CLPB: variants seen among roughly 807,000 people sequenced by gnomAD.
The protein encoded by CLPB is mitochondrial disaggregase.
In CLPB, 40 loss-of-function variants were observed where a neutral mutation model predicts 78.4. The ratio of observed to expected loss-of-function variants is 0.51; its 90% confidence interval spans 0.40 to 0.66. The LOEUF (loss-of-function observed/expected upper bound fraction) is 0.66, where lower values mean the gene tolerates loss of function less well. Ranked by LOEUF, CLPB falls within the 30% of genes least tolerant of loss-of-function variation. The probability of loss-of-function intolerance (pLI) is 0.00; values close to 1 mark genes in which losing one functional copy is unlikely to be tolerated. For missense variants in CLPB, 780 were observed against 886.9 expected, an observed-to-expected ratio of 0.88 and a Z score of 1.53; for synonymous variants, 333 against 348.0, an observed-to-expected ratio of 0.96 and a Z score of 0.48.
chr11:72,393,769 C>T (rs1855322294), intron 3 of CLPB, among the ~76,000 whole-genome samples: 1 of 152,150 alleles, frequency 6.6e-6, no homozygotes, highest in Non-Finnish European at 1.5e-5. Flanking sequence ...TTTAGTATTG[C>T]TAAGTTTTGC....
intron 3 of CLPB, among the ~76,000 whole-genome samples, chr11:72,400,476 C>T (rs1855529539): frequency 6.6e-6 from 1 of 152,138 alleles, no homozygotes; most frequent in Non-Finnish European, 1.5e-5. Flanking sequence ...GAGATGTGTC[C>T]CCAAAAGCAT....
intron 2 of CLPB, among the ~76,000 whole-genome samples, chr11:72,427,913 A>G (rs1856434253): frequency 6.6e-6 from 1 of 152,216 alleles, no homozygotes; most frequent in South Asian, 2.1e-4. Context: ...TTGAAGAAGA[A>G]ATAAAGAGCA....
At chr11:72,351,835 T>C (rs940262049) in intron 5 of CLPB, among the ~76,000 whole-genome samples, 1 of 152,174 alleles carries the variant, frequency 6.6e-6, no homozygotes, top group Non-Finnish European at 1.5e-5. Flanking sequence ...CCTCCCAAAG[T>C]GCTGGGATTA....
At chr11:72,374,949 T>A (rs1007148357) in intron 4 of CLPB, among the ~76,000 whole-genome samples, 1 of 152,190 alleles carries the variant, frequency 6.6e-6, no homozygotes, top group African/African-American at 2.4e-5. Context: ...AACTACTCCT[T>A]TGAGCTCTCC....
intron 4 of CLPB, among the ~76,000 whole-genome samples, chr11:72,371,016 T>C (rs1951031530): frequency 6.6e-6 from 1 of 152,164 alleles, no homozygotes; most frequent in South Asian, 2.1e-4. Flanking sequence ...CACCCTAACA[T>C]GTTCGTCTAT....
chr11:72,295,425 A>G, intron 12 of CLPB, 67 bp downstream of exon 12: 3 of 1,569,928 alleles, frequency 1.9e-6, no homozygotes, highest in Non-Finnish European at 2.6e-6. Flanking sequence ...CCCCAATCCC[A>G]TCCTTCCCCA....
At chr11:72,368,244 C>T (rs1950979875) in intron 4 of CLPB, among the ~76,000 whole-genome samples, 1 of 152,204 alleles carries the variant, frequency 6.6e-6, no homozygotes, top group Non-Finnish European at 1.5e-5. Context: ...AAATATACAA[C>T]AGAACAGTAA....
intron 5 of CLPB, among the ~76,000 whole-genome samples, chr11:72,349,833 G>A (rs1025731188): frequency 2.0e-5 from 3 of 152,250 alleles, no homozygotes; most frequent in African/African-American, 7.2e-5. Flanking sequence ...TGCAGGTGGA[G>A]GAGAGTGTAG....
intron 11 of CLPB, among the ~76,000 whole-genome samples, chr11:72,298,975 A>T (rs1949607017): frequency 6.6e-6 from 1 of 152,238 alleles, no homozygotes; most frequent in Admixed American, 6.5e-5. Flanking sequence ...TGCTATTTTC[A>T]GTCAGACCTT....
chr11:72,400,917 T>C (rs780179907), intron 3 of CLPB, among the ~76,000 whole-genome samples: 2 of 152,186 alleles, frequency 1.3e-5, no homozygotes, highest in Non-Finnish European at 2.9e-5. Flanking sequence ...TCTCCTTACC[T>C]GCATTTGTTT....
intron 6 of CLPB, among the ~76,000 whole-genome samples, chr11:72,321,580 C>A (rs533853100): frequency 6.6e-6 from 1 of 152,216 alleles, no homozygotes; most frequent in Middle Eastern, 3.4e-3. Context: ...AGTGGCTCTG[C>A]GGGGGAGGGT....
At chr11:72,342,108 A>G (rs1040680433) in intron 5 of CLPB, among the ~76,000 whole-genome samples, 1 of 152,228 alleles carries the variant, frequency 6.6e-6, no homozygotes, top group African/African-American at 2.4e-5. Context: ...CAACCATACT[A>G]TTCATCAAAG....
chr11:72,362,198 A>G (rs981958641), intron 4 of CLPB, among the ~76,000 whole-genome samples: 1 of 152,250 alleles, frequency 6.6e-6, no homozygotes, highest in Non-Finnish European at 1.5e-5. Flanking sequence ...GCCTCTGATT[A>G]GAAGTCACTT....
Position 72,286,231 on chromosome 11 carries a change from T to TC in CLPB, c.*7135_*7136insG. On this transcript the variant is annotated 3_prime_UTR_variant, in exon 16 of 16. Coordinates refer to ENST00000538039, the MANE Select transcript of CLPB (RefSeq NM_001258392.3). ...TGTGAGATACTGCACCTGTTTTTTT[T>TC]TTTTTTTTTTTTTTTAAGAGATAGG... The TC allele has an allele frequency of 7.5e-6, 1 of 134,202 alleles. No homozygotes were observed. The highest frequency in any genetic ancestry group is 2.1e-4 in the East Asian group (1 of 4,740). The allele number at this position is 134,202 out of a possible 1,614,324, so 8.3% of individuals were successfully genotyped here. A position where few individuals can be genotyped will look rare whatever the true frequency, so the allele number is the denominator to read the frequency against.
intron 6 of CLPB, among the ~76,000 whole-genome samples, chr11:72,326,082 A>G (rs1950128858): frequency 6.6e-6 from 1 of 152,226 alleles, no homozygotes; most frequent in Non-Finnish European, 1.5e-5. Context: ...CATCTGAAAC[A>G]GGGGTAACAA....
intron 5 of CLPB, 108 bp from the exon 6 acceptor site, chr11:72,329,912 G>A: frequency 1.3e-6 from 1 of 765,608 alleles, no homozygotes; most frequent in Non-Finnish European, 2.2e-6. Flanking sequence ...GAATGTCCAT[G>A]GACACCTACA....
rs139557831 is a variant in CLPB, at chr11:72,383,142, G to A, written c.543-2758C>T. Among the ~76,000 whole-genome samples, 777 of 151,560 alleles carry A rather than the reference G, an allele frequency of 5.1e-3. 5 individuals carry two copies. The highest frequency in any genetic ancestry group is 7.7e-3 in the Non-Finnish European group (526 of 67,954). ...ACAGAATATGTGAACTCAAAAATCA[G>A]TTATTTGAAAATAGGAAGGCCAATG... On this transcript the variant is annotated intron_variant, in intron 3 of 15. Coordinates refer to ENST00000538039, the MANE Select transcript of CLPB (RefSeq NM_001258392.3).
intron 2 of CLPB, among the ~76,000 whole-genome samples, chr11:72,413,412 A>G (rs986129924): frequency 6.6e-6 from 1 of 152,116 alleles, no homozygotes; most frequent in Non-Finnish European, 1.5e-5. Context: ...CCATGTGAGA[A>G]CTAATTTCAG....
At chr11:72,296,675 T>TA (rs1159764808) in intron 11 of CLPB, among the ~76,000 whole-genome samples, 1 of 152,180 alleles carries the variant, frequency 6.6e-6, no homozygotes, top group Non-Finnish European at 1.5e-5. Context: ...ATGCTCTGCT[T>TA]AGTGCTTTTT....
Sources: gnomAD v4.1 joint callset for allele counts (sites outside exome capture counted in the v4.1 genomes callset) on GRCh38, gnomAD v4.1.1 for gene constraint, MANE v1.5 for transcripts, NCBI Gene and HGNC (gene_info 2026-07-23, HGNC 2026-07-21) for gene names.